BANK1: variants seen among roughly 807,000 people sequenced by gnomAD.
BANK1 encodes the protein B-cell scaffold protein with ankyrin repeats.
A neutral mutation model predicts 94.5 loss-of-function variants in BANK1; 95 were observed. That is an observed-to-expected ratio of 1.00 (90% CI 0.85 to 1.19). BANK1 has a LOEUF of 1.19. Ranked by LOEUF, BANK1 falls within the 50% of genes most tolerant of loss-of-function variation. BANK1 has a pLI of 0.00. For missense variants in BANK1, 987 were observed against 932.2 expected (o/e 1.06, Z -0.77); for synonymous variants, 334 against 308.4 (o/e 1.08, Z -0.87).
intron 11 of BANK1, among the ~76,000 whole-genome samples, chr4:102,044,303 C>T (rs192359065): frequency 0.02 from 3,030 of 152,034 alleles, 113 homozygotes; most frequent in African/African-American, 0.07. Flanking sequence ...GTTCTTGCGA[C>T]AGTTTACTGA....
chr4:101,997,626 G>A (rs746507797), intron 7 of BANK1, among the ~76,000 whole-genome samples: 2 of 151,938 alleles, frequency 1.3e-5, no homozygotes, highest in East Asian at 3.9e-4. Context: ...TCAGGGATTC[G>A]ACTTCTTCCT....
Position 101,839,937 on chromosome 4 carries a change from A to ATTTTTTTTTTT in BANK1, c.469+9770_469+9780dup, listed in dbSNP as rs70964197. Reference sequence around the variant, plus strand: ...GCTACTATATAATTTCAAATATTTAATTTTTTTTTTTTTTTTTTTTTTTTT... The same window carrying ATTTTTTTTTTT: ...GCTACTATATAATTTCAAATATTTAATTTTTTTTTTTTTTTTTTTTTTTTTTTTTTTTTTTT... On this transcript the variant is annotated intron_variant, in intron 2 of 16. Transcript: ENST00000322953. Among the ~76,000 whole-genome samples, 28 of 53,076 alleles carry ATTTTTTTTTTT rather than the reference A, an allele frequency of 5.3e-4. 4 individuals carry two copies. The highest frequency in any genetic ancestry group is 1.3e-3 in the Admixed American group (5 of 3,926). The allele number at this position is 53,076 out of a possible 152,430, so 34.8% of individuals were successfully genotyped here.
chr4:101,872,548 A>T (rs755906791), intron 5 of BANK1, among the ~76,000 whole-genome samples: 13 of 152,190 alleles, frequency 8.5e-5, no homozygotes, highest in Non-Finnish European at 4.4e-5. Context: ...CCCCTGAGGA[A>T]GCAACTGCAG....
At chr4:101,791,812 A>T (rs1724997422) in intron 1 of BANK1, among the ~76,000 whole-genome samples, 1 of 152,140 alleles carries the variant, frequency 6.6e-6, no homozygotes, top group Non-Finnish European at 1.5e-5. Flanking sequence ...TGGCTAGTGC[A>T]TTTTTACATA....
chr4:101,827,450 A>T (rs866066893), intron 1 of BANK1, among the ~76,000 whole-genome samples: 3 of 151,928 alleles, frequency 2.0e-5, no homozygotes, highest in Admixed American at 6.6e-5. Context: ...TAAAGGATTA[A>T]ATTCTATTAA....
At chr4:101,872,538 C>A (rs1728330616) in intron 5 of BANK1, among the ~76,000 whole-genome samples, 1 of 152,134 alleles carries the variant, frequency 6.6e-6, no homozygotes, top group African/African-American at 2.4e-5. Context: ...GCACTTTCTA[C>A]CCCTGAGGAA....
intron 10 of BANK1, among the ~76,000 whole-genome samples, chr4:102,040,781 G>A (rs911894796): frequency 1.3e-5 from 2 of 152,018 alleles, no homozygotes; most frequent in Non-Finnish European, 2.9e-5. Flanking sequence ...TGGACCTGGA[G>A]TGTCTTGGGA....
intron 7 of BANK1, among the ~76,000 whole-genome samples, chr4:102,005,267 T>C (rs1055949087): frequency 6.6e-6 from 1 of 152,086 alleles, no homozygotes; most frequent in South Asian, 2.1e-4. Context: ...TTCTCTTAAT[T>C]TTTTTCTGTT....
At chr4:101,943,374 T>C (rs1035209307) in intron 7 of BANK1, among the ~76,000 whole-genome samples, 1 of 151,872 alleles carries the variant, frequency 6.6e-6, no homozygotes, top group Non-Finnish European at 1.5e-5. Flanking sequence ...ATCCATTAGA[T>C]GACTGCTTCT....
At chr4:101,889,821 G>A in intron 5 of BANK1, among the ~76,000 whole-genome samples, 1 of 151,856 alleles carries the variant, frequency 6.6e-6, no homozygotes, top group East Asian at 1.9e-4. Flanking sequence ...AATTTTCTCA[G>A]CCCTCCTTTA....
At chr4:102,048,522 A>G (rs1258624414) in intron 11 of BANK1, among the ~76,000 whole-genome samples, 2 of 152,186 alleles carry the variant, frequency 1.3e-5, no homozygotes, top group Non-Finnish European at 2.9e-5. Flanking sequence ...TTCATGGTGT[A>G]CTAGGAAAAG....
At chr4:101,868,434 A>T (rs575360877) in intron 4 of BANK1, among the ~76,000 whole-genome samples, 1 of 152,128 alleles carries the variant, frequency 6.6e-6, no homozygotes, top group East Asian at 1.9e-4. Context: ...ACTCTTAAAC[A>T]GGTATGCACT....
At chr4:102,017,306 A>T (rs771910570) in intron 7 of BANK1, among the ~76,000 whole-genome samples, 3 of 152,222 alleles carry the variant, frequency 2.0e-5, no homozygotes, top group Non-Finnish European at 4.4e-5. Flanking sequence ...CCTCACAGAT[A>T]CAGCCACAAC....
intron 3 of BANK1, 111 bp from the exon 4 acceptor site, chr4:101,862,415 A>G: frequency 1.3e-6 from 1 of 759,404 alleles, no homozygotes; most frequent in South Asian, 3.3e-5. Context: ...AACACCATAG[A>G]AGACTTATTC....
chr4:101,893,732 A>G (rs1210400349), intron 5 of BANK1, among the ~76,000 whole-genome samples: 4 of 152,068 alleles, frequency 2.6e-5, no homozygotes, highest in African/African-American at 9.7e-5. Flanking sequence ...GAATATAAAT[A>G]CTCAACTACA....
chr4:101,855,079 G>C lies in BANK1; in HGVS notation c.514G>C (p.Ala172Pro). 6.2e-7 allele frequency: 1 copy of C among 1,613,330 alleles called. No individual in the cohort carries two copies. The highest frequency in any genetic ancestry group is 8.5e-7 in the Non-Finnish European group (1 of 1,179,448). The change falls in exon 3 of 17, where the codon GCA becomes CCA. Residue 172 changes from alanine to proline, a missense_variant. Coordinates refer to ENST00000322953, the MANE Select transcript of BANK1 (RefSeq NM_017935.5). ...GGTCAACATTCCAACAGACCTACGA[G>C]CAAAACATTCTGGGGAAATAAGTGA... ...FEVNIPTDLR[A>P]KHSGEISERK...
At chr4:102,035,923 G>T (rs1260606944) in intron 10 of BANK1, among the ~76,000 whole-genome samples, 1 of 152,100 alleles carries the variant, frequency 6.6e-6, no homozygotes, top group African/African-American at 2.4e-5. Flanking sequence ...TTTAGTGACA[G>T]AATTCTTGAT....
chr4:101,957,011 C>T (rs1724370884), intron 7 of BANK1, among the ~76,000 whole-genome samples: 1 of 152,158 alleles, frequency 6.6e-6, no homozygotes. Flanking sequence ...TCATCTCCTT[C>T]CTAAGTTCCT....
In BANK1 at chr4:101,950,048, TGTGTGTGTGTGTGC is replaced by T. The variant is rs1183392837; in HGVS notation, c.1206+31861_1206+31874del. ...GTGTGTGTGTGTGTGTGTGTGTGTG[TGTGTGTGTGTGTGC>T]GCGTGCGCGCGCATGTGCCTACACA... On this transcript the variant is annotated intron_variant, in intron 7 of 16. Transcript: ENST00000322953. Among the ~76,000 whole-genome samples the T allele has an allele frequency of 3.8e-4, 53 of 139,594 alleles. 1 individual carries two copies. In the South Asian group the frequency reaches 7.1e-3, roughly 19 times the overall value. 91.6% of individuals were successfully genotyped at this position (139,594 alleles called of 152,430 possible). A position where few individuals can be genotyped will look rare whatever the true frequency, so the allele number is the denominator to read the frequency against.
Sources: gnomAD v4.1 joint callset for allele counts (sites outside exome capture counted in the v4.1 genomes callset) on GRCh38, gnomAD v4.1.1 for gene constraint, MANE v1.5 for transcripts, NCBI Gene and HGNC (gene_info 2026-07-23, HGNC 2026-07-21) for gene names.